The following COL6A2 variants were observed in gnomAD, a reference collection of about 807,000 sequenced individuals.
COL6A2 encodes the protein collagen type VI alpha 2 chain.
A neutral mutation model predicts 124.9 loss-of-function variants in COL6A2; 90 were observed. The ratio of observed to expected loss-of-function variants is 0.72; its 90% CI spans 0.61 to 0.86. The LOEUF is 0.86. Among genes scored for constraint, COL6A2 ranks in the 40% least tolerant of loss-of-function variants. The pLI, the probability that COL6A2 is intolerant of heterozygous loss-of-function variation, is 0.00. For synonymous variants in COL6A2, 793 were observed against 618.2 expected, an observed-to-expected ratio of 1.28 and a Z score of -4.19; for missense variants, 1,607 against 1,502.5, an observed-to-expected ratio of 1.07 and a Z score of -1.15.
chr21:46,122,431 C>T, intron 19 of COL6A2, 65 bp from the exon 20 acceptor site: 1 of 1,604,602 alleles, frequency 6.2e-7, no homozygotes, highest in Non-Finnish European at 8.5e-7. Context: ...CAGAAAGCTG[C>T]CCAGAGGGAG....
intron 4 of COL6A2, 98 bp from the exon 5 acceptor site, chr21:46,113,910 C>T: frequency 1.0e-6 from 1 of 1,004,466 alleles, no homozygotes. Context: ...CTCCTTGGCC[C>T]CTGCTGAGAG....
At chr21:46,120,995 G>A (rs1183075310) in intron 16 of COL6A2, 66 bp from the exon 17 acceptor site, 3 of 1,464,810 alleles carry the variant, frequency 2.0e-6, no homozygotes, top group Non-Finnish European at 2.9e-6. Context: ...CCACAGGATT[G>A]ATACTGGGGA....
intron 27 of COL6A2, chr21:46,129,404 G>A: frequency 1.2e-6 from 2 of 1,612,808 alleles, no homozygotes; most frequent in Non-Finnish European, 1.7e-6. Context: ...TAGAGCGGCA[G>A]GACTGGATGG....
chr21:46,119,595 G>GACGAGGGCTGGCAGCAGAGCC, intron 14 of COL6A2, among the ~76,000 whole-genome samples, 193 bp from the exon 15 acceptor site: 1 of 152,356 alleles, frequency 6.6e-6, no homozygotes, highest in South Asian at 2.1e-4. Flanking sequence ...GCAGCAGAGG[G>GACGAGGGCTGGCAGCAGAGCC]ACGAGGGCTG....
At chr21:46,127,504 C>T (rs1027678975) in intron 27 of COL6A2, among the ~76,000 whole-genome samples, 3 of 152,086 alleles carry the variant, frequency 2.0e-5, no homozygotes, top group South Asian at 2.1e-4. Flanking sequence ...CTTCAGCAGG[C>T]GGGCAGCCTC....
intron 27 of COL6A2, chr21:46,129,560 AGGCT>A: frequency 1.4e-6 from 2 of 1,471,850 alleles, no homozygotes. Context: ...TGCCCCCGAC[AGGCT>A]GGCTCTCAGT....
chr21:46,130,265 G>C (rs568271940), intron 27 of COL6A2, among the ~76,000 whole-genome samples: 47 of 152,316 alleles, frequency 3.1e-4, no homozygotes, highest in African/African-American at 1.1e-3. Context: ...AAGCACAGTC[G>C]GGGGAGCATC....
chr21:46,122,574 G>A (rs750687285), intron 20 of COL6A2, 43 bp downstream of exon 20: 12 of 1,603,332 alleles, frequency 7.5e-6, no homozygotes, highest in African/African-American at 1.3e-5. Context: ...CAGGGTGGGG[G>A]TCTGCACGCC....
At chr21:46,113,034 A>G (rs2078426640) in intron 4 of COL6A2, 2 of 646,406 alleles carry the variant, frequency 3.1e-6, no homozygotes, top group Non-Finnish European at 5.4e-6. Context: ...GGTCAGCGTT[A>G]GGGTCACCCA....
rs1191148507 is a variant in COL6A2, at chr21:46,125,781, G to T, written c.1970-4G>T. ...GGCAACGACCTCACGCGTGCGGCTT[G>T]CAGGGACGCGTGTGGGCGTGGTGCA... On this transcript the variant is annotated splice_region_variant and splice_polypyrimidine_tract_variant and intron_variant, in intron 25 of 27. Coordinates refer to ENST00000300527, the MANE Select transcript of COL6A2 (RefSeq NM_001849.4). The T allele has an allele frequency of 6.2e-7, 1 of 1,611,248 alleles. No individual in the cohort carries two copies. The highest frequency in any genetic ancestry group is 1.7e-5 in the Admixed American group (1 of 59,990).
Position 46,125,615 on chromosome 21 carries a change from C to T in COL6A2, c.1967C>T (p.Thr656Ile), listed in dbSNP as rs371386355. ...GAIAKDPKSE[T>I]GTRVGVVQYS... ...ATCGCTAAGGACCCCAAGTCCGAGA[C>T]AGGTCAGCGGGGCAGGGGCGGGTGC... The change falls in exon 25 of 28, where the codon ACA (threonine) becomes ATA (isoleucine). Residue 656 changes from threonine (T) to isoleucine (I), a missense_variant and splice_region_variant. By Grantham distance (89) the Thr-to-Ile change is moderately conservative. Coordinates refer to ENST00000300527, the MANE Select transcript of COL6A2 (RefSeq NM_001849.4). The T allele has an allele frequency of 2.7e-5, 44 of 1,611,822 alleles. No homozygotes were observed. The African/African-American group carries it at 4.1e-4, about 15-fold the overall frequency.
intron 27 of COL6A2, among the ~76,000 whole-genome samples, chr21:46,128,294 C>T (rs2078704694): frequency 6.6e-6 from 1 of 152,234 alleles, no homozygotes; most frequent in Non-Finnish European, 1.5e-5. Context: ...CCCCTCCTCT[C>T]GGCCGCCCTG....
At chr21:46,118,439 C>T (rs918847094) in intron 12 of COL6A2, among the ~76,000 whole-genome samples, 175 bp from the exon 13 acceptor site, 1 of 152,224 alleles carries the variant, frequency 6.6e-6, no homozygotes, top group Admixed American at 6.5e-5. Context: ...ACTCTGCCCT[C>T]AGCTGGCACG....
At chr21:46,110,608 G>C (rs1056389252) in intron 1 of COL6A2, among the ~76,000 whole-genome samples, 1 of 152,092 alleles carries the variant, frequency 6.6e-6, no homozygotes, top group Non-Finnish European at 1.5e-5. Flanking sequence ...GCCCTCTCCT[G>C]GCAGCGCCTC....
rs747197882 is a variant in COL6A2 at position 46,125,837 on chromosome 21, C to T, written c.2022C>T (p.Ile674=). 1.8e-5 allele frequency: 29 copies of T among 1,612,726 alleles called. No individual in the cohort carries two copies. The highest frequency in any genetic ancestry group is 2.5e-5 in the Non-Finnish European group (29 of 1,179,956). Residue 674 remains isoleucine (I), a synonymous_variant, in exon 26 of 28, where the codon ATC becomes ATT. Coordinates refer to ENST00000300527, the MANE Select transcript of COL6A2 (RefSeq NM_001849.4). The part of the protein sequence containing the change: ...QYSHEGTFEA[I]QLDDERIDSL... Reference sequence around the variant, plus strand: ...GCCACGAGGGCACCTTTGAGGCCATCCAGCTGGACGACGAACGTATCGACT... The same window carrying T: ...GCCACGAGGGCACCTTTGAGGCCATTCAGCTGGACGACGAACGTATCGACT...
chr21:46,121,433 G>A, intron 17 of COL6A2, 123 bp from the exon 18 acceptor site: 1 of 946,154 alleles, frequency 1.1e-6, no homozygotes, highest in Non-Finnish European at 1.7e-6. Flanking sequence ...GGCCCCCACA[G>A]GCAGCAGGAG....
chr21:46,122,077 C>T (rs374146368), intron 18 of COL6A2, 31 bp from the exon 19 acceptor site: 106 of 1,611,560 alleles, frequency 6.6e-5, no homozygotes, highest in Non-Finnish European at 8.6e-5. Flanking sequence ...CGTCCTATGA[C>T]CATGCTGACC....
intron 27 of COL6A2, 44 bp from the exon 28 acceptor site, chr21:46,131,910 G>C: frequency 6.5e-7 from 1 of 1,532,806 alleles, no homozygotes. Context: ...GCCCGGTCCT[G>C]CCCACCTCCC....
At chr21:46,128,631 G>C (rs1321370001) in intron 27 of COL6A2, among the ~76,000 whole-genome samples, 1 of 152,246 alleles carries the variant, frequency 6.6e-6, no homozygotes, top group African/African-American at 2.4e-5. Context: ...GGCAGTCAGG[G>C]CAGGGCGCAA....
Sources: gnomAD v4.1 joint callset for allele counts (sites outside exome capture counted in the v4.1 genomes callset) on GRCh38, gnomAD v4.1.1 for gene constraint, MANE v1.5 for transcripts, NCBI Gene and HGNC (gene_info 2026-07-23, HGNC 2026-07-21) for gene names.